WIPF1: variants seen among roughly 807,000 people sequenced by gnomAD.
WIPF1 encodes WAS/WASL-interacting protein family member 1.
WIPF1 carries 13 observed loss-of-function variants against 35.4 expected under a neutral mutation model. That is an observed-to-expected ratio of 0.37 (90% confidence interval 0.24 to 0.58). The LOEUF (loss-of-function observed/expected upper bound fraction) is 0.58. Ranked by LOEUF, WIPF1 falls within the 20% of genes least tolerant of loss-of-function variation. The pLI, the probability that WIPF1 is intolerant of heterozygous loss-of-function variation, is 0.74. For synonymous variants in WIPF1, 267 were observed against 266.3 expected, an observed-to-expected ratio of 1.00 and a Z score of -0.02; for missense variants, 591 against 667.0, an observed-to-expected ratio of 0.89 and a Z score of 1.25.
intron 1 of WIPF1, among the ~76,000 whole-genome samples, chr2:174,610,116 G>A (rs569704724): frequency 6.6e-6 from 1 of 152,296 alleles, no homozygotes; most frequent in Admixed American, 6.5e-5. Flanking sequence ...CTTTCGGGTT[G>A]CCTCGATGGG....
chr2:174,589,047 C>T (rs1559153518), intron 1 of WIPF1, among the ~76,000 whole-genome samples: 1 of 152,182 alleles, frequency 6.6e-6, no homozygotes, highest in African/African-American at 2.4e-5. Flanking sequence ...CTGGACTTCT[C>T]CAGGCTGGGG....
chr2:174,653,693 G>C (rs1282183115), intron 1 of WIPF1, among the ~76,000 whole-genome samples: 2 of 139,926 alleles, frequency 1.4e-5, no homozygotes, highest in East Asian at 4.2e-4. Context: ...AGTGAGCCGA[G>C]ATCACGCCAC....
intron 1 of WIPF1, among the ~76,000 whole-genome samples, chr2:174,650,384 C>G (rs1687509795): frequency 6.6e-6 from 1 of 152,228 alleles, no homozygotes; most frequent in South Asian, 2.1e-4. Context: ...GATCAGTTCA[C>G]TCTGTGTACA....
intron 1 of WIPF1, among the ~76,000 whole-genome samples, chr2:174,652,778 T>C (rs1249501524): frequency 6.6e-6 from 1 of 150,816 alleles, no homozygotes; most frequent in Non-Finnish European, 1.5e-5. Flanking sequence ...CCTTAAGGTA[T>C]GTAAATTCCA....
At chr2:174,611,378 A>C (rs1442651375) in intron 1 of WIPF1, among the ~76,000 whole-genome samples, 1 of 152,166 alleles carries the variant, frequency 6.6e-6, no homozygotes, top group Non-Finnish European at 1.5e-5. Flanking sequence ...CAAAAACAAA[A>C]ACAAACAAAC....
chr2:174,633,640 C>T (rs962646351), intron 1 of WIPF1, among the ~76,000 whole-genome samples: 1 of 152,194 alleles, frequency 6.6e-6, no homozygotes, highest in Non-Finnish European at 1.5e-5. Flanking sequence ...TTAAACTGTC[C>T]CTCATTGGCC....
chr2:174,644,610 T>G (rs1687363733), intron 1 of WIPF1, among the ~76,000 whole-genome samples: 1 of 152,182 alleles, frequency 6.6e-6, no homozygotes, highest in African/African-American at 2.4e-5. Flanking sequence ...TACAGAGGTA[T>G]CTGTAGAAGG....
chr2:174,583,044 A>C (rs544593631), intron 2 of WIPF1, among the ~76,000 whole-genome samples: 19 of 152,244 alleles, frequency 1.2e-4, no homozygotes, highest in African/African-American at 3.9e-4. Context: ...CTGGGATTCA[A>C]ACCCTGGCAG....
chr2:174,669,354 T>A (rs1219099062), intron 1 of WIPF1, among the ~76,000 whole-genome samples: 1 of 152,250 alleles, frequency 6.6e-6, no homozygotes, highest in African/African-American at 2.4e-5. Context: ...TAGACCTGTT[T>A]AATTGTGGTC....
At chr2:174,574,728 T>A (rs535079833) in intron 4 of WIPF1, 1 of 625,728 alleles carries the variant, frequency 1.6e-6, no homozygotes, top group African/African-American at 1.8e-5. Flanking sequence ...ACCAAATATC[T>A]GTCATGCAAA....
chr2:174,657,515 C>T (rs867107242), intron 1 of WIPF1, among the ~76,000 whole-genome samples: 11 of 152,144 alleles, frequency 7.2e-5, no homozygotes, highest in Middle Eastern at 3.2e-3. Flanking sequence ...AAGGGGCCTG[C>T]AGCATTAATG....
chr2:174,578,683 T>A lies in WIPF1; in HGVS notation c.181+2627A>T, dbSNP rs186542849. Among the ~76,000 whole-genome samples, 5 of 152,364 alleles carry A rather than the reference T, an allele frequency of 3.3e-5. No homozygotes were observed. The East Asian group carries it at 9.6e-4, about 29-fold the overall frequency. On this transcript the variant is annotated intron_variant, in intron 3 of 7. Transcript: ENST00000679041. ...ATTTCCATTTTCTGGATTAGGTTTATCATAAATTTGTGTTAGTTCTGTATC... is the reference window on the plus strand; with the variant it reads ...ATTTCCATTTTCTGGATTAGGTTTAACATAAATTTGTGTTAGTTCTGTATC...
chr2:174,613,551 A>C (rs1049359523), intron 1 of WIPF1, among the ~76,000 whole-genome samples: 1 of 152,200 alleles, frequency 6.6e-6, no homozygotes, highest in Non-Finnish European at 1.5e-5. Context: ...TCCTGCACTT[A>C]GGAGATATTT....
rs1684718608 is a variant in WIPF1, at chr2:174,568,035, T to A, written c.1168A>T (p.Ser390Cys). ...PPPPPVSRNGSTSRALPATPQ... is the reference protein window; with the variant it reads ...PPPPPVSRNGCTSRALPATPQ... ...GTAGCAGGCAGGGCCCGAGATGTGC[T>A]GCCGTTTCTGCTTACTGGAGGAGGT... Residue 390 changes from serine (S) to cysteine (C), a missense_variant, in exon 6 of 8, where the codon AGC (serine) becomes TGC (cysteine). Transcript: ENST00000679041. 6.2e-7 allele frequency: 1 copy of A among 1,613,346 alleles called. No homozygotes were observed. Among genetic ancestry groups the A allele is most frequent in the Admixed American group, 1.7e-5 (1 of 60,000 alleles).
At chr2:174,639,251 G>A (rs750693549) in intron 1 of WIPF1, among the ~76,000 whole-genome samples, 1 of 152,066 alleles carries the variant, frequency 6.6e-6, no homozygotes, top group Non-Finnish European at 1.5e-5. Context: ...GTCTACTAAG[G>A]TCTTTTGCTC....
intron 1 of WIPF1, among the ~76,000 whole-genome samples, chr2:174,592,424 T>A (rs192125630): frequency 7.3e-4 from 111 of 151,540 alleles, no homozygotes; most frequent in African/African-American, 2.5e-3. Flanking sequence ...AATACTATCA[T>A]ACCTAAAATG....
At chr2:174,599,944 T>TG (rs985771837), upstream of WIPF1, among the ~76,000 whole-genome samples, 1 of 151,720 alleles carries the variant, frequency 6.6e-6, no homozygotes, top group African/African-American at 2.4e-5. Flanking sequence ...TTCCACGGAG[T>TG]GGGGGCAGGG....
Position 174,649,844 on chromosome 2 carries a change from T to C in WIPF1, c.-39+32930A>G, listed in dbSNP as rs532700304. On this transcript the variant is annotated intron_variant, in intron 1 of 8. Coordinates refer to the WIPF1 transcript ENST00000272746. ...CAAGAATAATTCTGAATAGACGTAATTTCTACTTTATGCATGACTGTAAAC... is the reference window on the plus strand; with the variant it reads ...CAAGAATAATTCTGAATAGACGTAACTTCTACTTTATGCATGACTGTAAAC... 1.6e-4 allele frequency among the ~76,000 whole-genome samples: 24 copies of C among 152,340 alleles called. No homozygotes were observed. The South Asian group carries it at 5.0e-3, about 32-fold the overall frequency.
chr2:174,678,413 T>C (rs1338797889), intron 1 of WIPF1, among the ~76,000 whole-genome samples: 1 of 152,242 alleles, frequency 6.6e-6, no homozygotes, highest in African/African-American at 2.4e-5. Context: ...GCATAGTCTA[T>C]TATTTTTGAC....
Sources: gnomAD v4.1 joint callset for allele counts (sites outside exome capture counted in the v4.1 genomes callset) on GRCh38, gnomAD v4.1.1 for gene constraint, MANE v1.5 for transcripts, NCBI Gene and HGNC (gene_info 2026-07-23, HGNC 2026-07-21) for gene names.